LEPR: variants seen among roughly 807,000 people sequenced by gnomAD.
The protein encoded by LEPR is leptin receptor, also known as OB receptor.
LEPR carries 56 observed loss-of-function variants against 114.7 expected under a neutral mutation model. The observed-to-expected ratio is 0.49, with a 90% confidence interval of 0.39 to 0.61. LEPR has a LOEUF of 0.61. Ranked by LOEUF, LEPR falls within the 20% of genes least tolerant of loss-of-function variation. The pLI, the probability that LEPR is intolerant of heterozygous loss-of-function variation, is 0.00. For synonymous variants in LEPR, 443 were observed against 461.4 expected, an observed-to-expected ratio of 0.96 and a Z score of 0.51; for missense variants, 1,202 against 1,352.9, an observed-to-expected ratio of 0.89 and a Z score of 1.75.
At chr1:65,521,875 G>A (rs555392870) in intron 2 of LEPR, among the ~76,000 whole-genome samples, 95 of 152,070 alleles carry the variant, frequency 6.2e-4, no homozygotes, top group African/African-American at 1.0e-3. Flanking sequence ...TGAGGCGGGC[G>A]GATCAATTGA....
At chr1:65,459,896 C>A (rs902617598) in intron 2 of LEPR, among the ~76,000 whole-genome samples, 5 of 152,184 alleles carry the variant, frequency 3.3e-5, no homozygotes, top group Non-Finnish European at 1.5e-5. Context: ...ATGCTTGGAA[C>A]AAGTTTCCCC....
At chr1:65,607,151 A>T (rs2100957143) in intron 11 of LEPR, among the ~76,000 whole-genome samples, 1 of 152,298 alleles carries the variant, frequency 6.6e-6, no homozygotes, top group East Asian at 1.9e-4. Context: ...TTTCTTACAC[A>T]GAGTGTCTAC....
At chr1:65,564,869 A>T (rs1385594236) in intron 2 of LEPR, among the ~76,000 whole-genome samples, 1 of 152,220 alleles carries the variant, frequency 6.6e-6, no homozygotes, top group African/African-American at 2.4e-5. Flanking sequence ...TGGATTTATG[A>T]CATAGTAGTA....
intron 2 of LEPR, among the ~76,000 whole-genome samples, chr1:65,449,654 T>G (rs1646756479): frequency 6.6e-6 from 1 of 151,272 alleles, no homozygotes; most frequent in South Asian, 2.1e-4. Context: ...TACCTGTAGG[T>G]GGCAATCTCC....
intron 2 of LEPR, among the ~76,000 whole-genome samples, chr1:65,440,348 C>T (rs1021415439): frequency 6.0e-5 from 9 of 150,270 alleles, no homozygotes; most frequent in Admixed American, 3.3e-4. Flanking sequence ...CCCCAGCCCC[C>T]ATGGTGCTTA....
intron 2 of LEPR, among the ~76,000 whole-genome samples, chr1:65,483,311 T>C (rs911277407): frequency 2.0e-5 from 3 of 152,098 alleles, no homozygotes; most frequent in African/African-American, 7.2e-5. Context: ...AACTCCTTAG[T>C]AATCTTGGAA....
At chr1:65,426,927 G>A (rs1431423718) in intron 2 of LEPR, among the ~76,000 whole-genome samples, 4 of 152,118 alleles carry the variant, frequency 2.6e-5, no homozygotes, top group East Asian at 3.9e-4. Flanking sequence ...GAACACAGGA[G>A]GTGGAGGTTG....
chr1:65,438,405 C>T (rs895330775), intron 2 of LEPR, among the ~76,000 whole-genome samples: 1 of 151,878 alleles, frequency 6.6e-6, no homozygotes, highest in African/African-American at 2.4e-5. Context: ...CAACAGTTAG[C>T]AGGGCGTGGT....
rs912341188 is a variant in LEPR at position 65,633,740 on chromosome 1, G to A, written c.2674-2451G>A. On this transcript the variant is annotated intron_variant, in intron 19 of 19. Coordinates refer to ENST00000349533, the MANE Select transcript of LEPR (RefSeq NM_002303.6). The surrounding 1 kb of genome is among the most constrained non-coding windows in gnomAD (Gnocchi z 4.1). ...CTTTTGAATATCTCCTGGCATTTTT[G>A]TATCTAACTTTGTTCAATCTGGGAA... The A allele has an allele frequency of 1.3e-5, 13 of 985,116 alleles. No individual in the cohort carries two copies. Among genetic ancestry groups the A allele is most frequent in the Middle Eastern group, 1.0e-3 (2 of 1,912 alleles). The allele number at this position is 985,116 out of a possible 1,614,324, so 61.0% of individuals were successfully genotyped here.
chr1:65,514,430 T>C (rs1213950915), intron 2 of LEPR, among the ~76,000 whole-genome samples: 5 of 152,244 alleles, frequency 3.3e-5, no homozygotes, highest in African/African-American at 4.8e-5. Flanking sequence ...TGGTCTTACA[T>C]AGATATTTTC....
chr1:65,469,807 G>A (rs910127703), intron 2 of LEPR, among the ~76,000 whole-genome samples: 2 of 152,190 alleles, frequency 1.3e-5, no homozygotes, highest in Non-Finnish European at 2.9e-5. Flanking sequence ...ACACCAATAA[G>A]TGCGTGCCGT....
rs780405424 is a variant in LEPR, at chr1:65,565,580, A to C, written c.15A>C (p.Lys5Asn). MICQ[K>N]FCVVLLHWEF... Reference sequence around the variant, plus strand: ...TCTGAAGTAAGATGATTTGTCAAAAATTCTGTGTGGTTTTGTTACATTGGG... The same window carrying C: ...TCTGAAGTAAGATGATTTGTCAAAACTTCTGTGTGGTTTTGTTACATTGGG... Residue 5 changes from lysine (K) to asparagine (N), a missense_variant, in exon 3 of 20, where the codon AAA becomes AAC. Lys to Asn is a moderately conservative substitution (Grantham distance 94). Transcript: ENST00000349533. 6.2e-7 allele frequency: 1 copy of C among 1,613,930 alleles called. No homozygotes were observed. Among genetic ancestry groups the C allele is most frequent in the South Asian group, 1.1e-5 (1 of 91,072 alleles).
At chr1:65,498,965 G>A (rs993071242) in intron 2 of LEPR, among the ~76,000 whole-genome samples, 2 of 152,020 alleles carry the variant, frequency 1.3e-5, no homozygotes, top group Non-Finnish European at 2.9e-5. Flanking sequence ...TTCCAATTGA[G>A]TATCATTAGA....
intron 2 of LEPR, among the ~76,000 whole-genome samples, chr1:65,465,286 T>G (rs571091831): frequency 6.6e-5 from 10 of 152,172 alleles, no homozygotes; most frequent in Admixed American, 5.9e-4. Context: ...TAATTTACCC[T>G]GTAGTCATTC....
At chr1:65,473,158 G>T (rs1647110283) in intron 2 of LEPR, among the ~76,000 whole-genome samples, 2 of 152,204 alleles carry the variant, frequency 1.3e-5, no homozygotes, top group Admixed American at 1.3e-4. Flanking sequence ...AGCTTCATAT[G>T]CATTGTTTGT....
At chr1:65,630,747 C>T (rs996743366) in intron 19 of LEPR, among the ~76,000 whole-genome samples, 1 of 151,712 alleles carries the variant, frequency 6.6e-6, no homozygotes, top group Non-Finnish European at 1.5e-5. Flanking sequence ...ATACCCTCTT[C>T]TTCCAGTGCT....
chr1:65,466,516 T>C (rs1428358658), intron 2 of LEPR, among the ~76,000 whole-genome samples: 3 of 152,176 alleles, frequency 2.0e-5, no homozygotes, highest in African/African-American at 4.8e-5. Flanking sequence ...GGGGTTGCTC[T>C]TGTTGAGGAG....
intron 2 of LEPR, among the ~76,000 whole-genome samples, chr1:65,504,937 C>T (rs1167006668): frequency 6.6e-6 from 1 of 152,020 alleles, no homozygotes; most frequent in Non-Finnish European, 1.5e-5. Flanking sequence ...AATCTCATTC[C>T]AAGTTTTACC....
intron 2 of LEPR, among the ~76,000 whole-genome samples, chr1:65,540,013 A>G (rs993970017): frequency 6.6e-6 from 1 of 152,122 alleles, no homozygotes; most frequent in African/African-American, 2.4e-5. Context: ...TCCTGCTTAG[A>G]CTAGTCAAAG....
Sources: allele counts gnomAD v4.1 joint callset (sites outside exome capture counted in the v4.1 genomes callset), GRCh38; gene constraint gnomAD v4.1.1; non-coding constraint Gnocchi (gnomAD v3.1); transcripts MANE v1.5; gene names NCBI Gene and HGNC (gene_info 2026-07-23, HGNC 2026-07-21).